RIMS1: variants seen among roughly 807,000 people sequenced by gnomAD.
RIMS1 encodes regulating synaptic membrane exocytosis 1.
RIMS1 carries 83 observed loss-of-function variants against 214.1 expected under a neutral mutation model. That is an observed-to-expected ratio of 0.39 (90% CI 0.32 to 0.47). The LOEUF is 0.47. Ranked by LOEUF, RIMS1 falls within the 20% of genes least tolerant of loss-of-function variation. The probability of loss-of-function intolerance (pLI) is 0.99; values close to 1 mark genes in which losing one functional copy is unlikely to be tolerated. For synonymous variants in RIMS1, 793 were observed against 786.8 expected, an observed-to-expected ratio of 1.01 and a Z score of -0.13; for missense variants, 2,050 against 2,161.8, an observed-to-expected ratio of 0.95 and a Z score of 1.03.
intron 22 of RIMS1, among the ~76,000 whole-genome samples, chr6:72,268,214 T>C (rs774450900): frequency 8.6e-5 from 13 of 151,722 alleles, no homozygotes; most frequent in Non-Finnish European, 1.9e-4. Flanking sequence ...ATATCAAGAG[T>C]GGTGACTTTG....
At chr6:71,994,071 T>C (rs1217235544) in intron 2 of RIMS1, among the ~76,000 whole-genome samples, 1 of 152,226 alleles carries the variant, frequency 6.6e-6, no homozygotes, top group Admixed American at 6.5e-5. Context: ...GAGTGGAGAA[T>C]GATCAGTGAT....
intron 29 of RIMS1, among the ~76,000 whole-genome samples, chr6:72,349,623 A>C (rs1291835495): frequency 1.3e-5 from 2 of 151,940 alleles, no homozygotes; most frequent in East Asian, 3.8e-4. Context: ...GGATGTAAAT[A>C]CTCTAATGAG....
chr6:72,317,778 G>A (rs1456117717), intron 28 of RIMS1, among the ~76,000 whole-genome samples: 3 of 152,142 alleles, frequency 2.0e-5, no homozygotes, highest in East Asian at 1.9e-4. Flanking sequence ...ACACTGTTCC[G>A]AACTTCAATT....
At chr6:72,313,173 A>G (rs1330935108) in intron 27 of RIMS1, among the ~76,000 whole-genome samples, 1 of 152,190 alleles carries the variant, frequency 6.6e-6, no homozygotes, top group African/African-American at 2.4e-5. Context: ...AAATGAAAAC[A>G]AAAAAGAGAA....
At chr6:72,075,107 G>A (rs1831470544) in intron 2 of RIMS1, among the ~76,000 whole-genome samples, 1 of 152,030 alleles carries the variant, frequency 6.6e-6, no homozygotes, top group Admixed American at 6.5e-5. Flanking sequence ...TTTGAGACAG[G>A]GTCTTGCTCT....
intron 27 of RIMS1, among the ~76,000 whole-genome samples, chr6:72,312,306 T>C (rs1404957059): frequency 6.6e-6 from 1 of 152,142 alleles, no homozygotes; most frequent in Non-Finnish European, 1.5e-5. Context: ...ATATGTTATT[T>C]TGTTTTACAG....
rs142598057 is a variant in RIMS1, at chr6:72,326,045, T to C, written c.4131-7555T>C. On this transcript the variant is annotated intron_variant, in intron 28 of 33. Coordinates refer to ENST00000521978, the MANE Select transcript of RIMS1 (RefSeq NM_014989.7). ...TCCAGATGTAAGTGTAGGGCTCATA[T>C]AATTTTTGTTATTTAACTTTTAAAA... is the stretch of plus-strand genomic sequence containing the variant. 4.7e-4 allele frequency among the ~76,000 whole-genome samples: 72 copies of C among 151,988 alleles called. 1 individual carries two copies. The East Asian group carries it at 0.013, about 28-fold the overall frequency.
intron 24 of RIMS1, among the ~76,000 whole-genome samples, chr6:72,284,514 C>A (rs1421266475): frequency 3.3e-5 from 5 of 152,130 alleles, no homozygotes; most frequent in Admixed American, 3.3e-4. Flanking sequence ...ATAATGCCAT[C>A]TTTTAAAAAA....
At position 72,182,486 on chromosome 6, in the gene RIMS1, G is replaced by C; in HGVS notation, c.1015G>C (p.Ala339Pro). 1 of 1,611,318 alleles carries C rather than the reference G, an allele frequency of 6.2e-7. No homozygotes were observed. Among genetic ancestry groups the C allele is most frequent in the Non-Finnish European group, 8.5e-7 (1 of 1,178,602 alleles). Reference sequence around the variant, plus strand: ...GCCGGAAAAACGGGATGAGGGCAAAGCGGCGGATGAGGAAAAGCAAAGAAA... The same window carrying C: ...GCCGGAAAAACGGGATGAGGGCAAACCGGCGGATGAGGAAAAGCAAAGAAA... ...DTPEKRDEGK[A>P]ADEEKQRKEE... Residue 339 changes from alanine (A) to proline (P), a missense_variant, in exon 6 of 34, where the codon GCG becomes CCG. This residue lies in a region of RIMS1 where 882 missense variants were observed against 828.9 expected (regional missense o/e 1.06). Coordinates refer to ENST00000521978, the MANE Select transcript of RIMS1 (RefSeq NM_014989.7).
intron 29 of RIMS1, among the ~76,000 whole-genome samples, chr6:72,377,759 A>G (rs1222128404): frequency 6.6e-6 from 1 of 152,226 alleles, no homozygotes; most frequent in African/African-American, 2.4e-5. Context: ...CAATCCTGAT[A>G]TGATCAATGT....
chr6:72,183,450 G>A (rs2048636103), intron 6 of RIMS1, among the ~76,000 whole-genome samples: 1 of 151,398 alleles, frequency 6.6e-6, no homozygotes, highest in Non-Finnish European at 1.5e-5. Context: ...ATTTTAGAGT[G>A]GATTTATTAT....
intron 25 of RIMS1, 85 bp from the exon 26 acceptor site, chr6:72,291,849 T>C: frequency 2.0e-6 from 2 of 987,050 alleles, no homozygotes; most frequent in Non-Finnish European, 3.2e-6. Flanking sequence ...ATGTCTATTT[T>C]AATCGTAACA....
intron 29 of RIMS1, among the ~76,000 whole-genome samples, chr6:72,384,857 G>A (rs142470424): frequency 1.8e-4 from 27 of 152,196 alleles, no homozygotes; most frequent in African/African-American, 6.0e-4. Flanking sequence ...CTGTATCATA[G>A]GTTCTTGGTG....
chr6:72,350,697 G>C (rs1289550668), intron 29 of RIMS1, among the ~76,000 whole-genome samples: 3 of 152,068 alleles, frequency 2.0e-5, no homozygotes, highest in Non-Finnish European at 4.4e-5. Flanking sequence ...ACTCTTTATG[G>C]TACATAAGAA....
chr6:72,376,726 G>A (rs1248405855), intron 29 of RIMS1, among the ~76,000 whole-genome samples: 2 of 148,746 alleles, frequency 1.3e-5, no homozygotes, highest in Non-Finnish European at 3.0e-5. Context: ...CAGCCTGGGT[G>A]ACAGAGAGAG....
At chr6:72,143,711 T>C (rs2042358170) in intron 4 of RIMS1, among the ~76,000 whole-genome samples, 1 of 152,226 alleles carries the variant, frequency 6.6e-6, no homozygotes, top group Non-Finnish European at 1.5e-5. Context: ...CAAACTCCAG[T>C]TTGAGCAGAG....
chr6:72,166,928 CTTGA>C (rs2046349946), intron 4 of RIMS1, among the ~76,000 whole-genome samples: 1 of 151,618 alleles, frequency 6.6e-6, no homozygotes, highest in Non-Finnish European at 1.5e-5. Flanking sequence ...ATTTTTATTG[CTTGA>C]TTAATTTGTT....
chr6:72,352,368 AG>A (rs1302414475), intron 29 of RIMS1, among the ~76,000 whole-genome samples: 5 of 152,198 alleles, frequency 3.3e-5, no homozygotes, highest in African/African-American at 7.2e-5. Context: ...TATTTAGATA[AG>A]GAAACTAAAA....
chr6:72,096,023 A>G (rs2031508165), intron 2 of RIMS1, among the ~76,000 whole-genome samples: 1 of 152,206 alleles, frequency 6.6e-6, no homozygotes, highest in Non-Finnish European at 1.5e-5. Context: ...TATTCAGAAC[A>G]GCAAACAGTT....
Sources: gnomAD v4.1 joint callset for allele counts (sites outside exome capture counted in the v4.1 genomes callset) on GRCh38, gnomAD v4.1.1 for gene constraint, gnomAD v4.1.1 regional missense constraint, MANE v1.5 for transcripts, NCBI Gene and HGNC (gene_info 2026-07-23, HGNC 2026-07-21) for gene names.